Variants in CTTN observed in about 807,000 individuals in gnomAD.
CTTN encodes src substrate cortactin.
Under a neutral mutation model 84.0 loss-of-function variants are expected in CTTN, and 28 were observed. That is an observed-to-expected ratio of 0.33 (90% CI 0.25 to 0.46). The LOEUF is 0.46. Ranked by LOEUF, CTTN falls within the 20% of genes least tolerant of loss-of-function variation. The pLI is 1.00. For synonymous variants in CTTN, 301 were observed against 288.8 expected, an observed-to-expected ratio of 1.04 and a Z score of -0.43; for missense variants, 641 against 723.8, an observed-to-expected ratio of 0.89 and a Z score of 1.31.
At chr11:70,401,171 G>A (rs56731570) in intron 1 of CTTN, among the ~76,000 whole-genome samples, 9,167 of 151,904 alleles carry the variant, frequency 0.06, 999 homozygotes, top group African/African-American at 0.21. Context: ...CCCCATCTCT[G>A]TTAAAAATAG....
rs113509140 is a variant in CTTN at position 70,416,635 on chromosome 11, G to A, written c.458-378G>A. 539 of 165,618 alleles carry A rather than the reference G, an allele frequency of 3.3e-3. 8 individuals carry two copies. Among genetic ancestry groups the A allele is most frequent in the African/African-American group, 0.012 (517 of 42,048 alleles). 10.3% of individuals were successfully genotyped at this position (165,618 alleles called of 1,614,324 possible). A position where few individuals can be genotyped will look rare whatever the true frequency, so the allele number is the denominator to read the frequency against. ...TTTAGTAAAGATGGGGTTTTGCCAC[G>A]TTGGCCAGGCTGGTCTCAAACTCCT... On this transcript the variant is annotated intron_variant, in intron 7 of 17. Coordinates refer to ENST00000301843, the MANE Select transcript of CTTN (RefSeq NM_005231.4).
In CTTN at chr11:70,414,605, C is replaced by T. The variant is rs377163101; in HGVS notation, c.355C>T (p.Arg119Cys). Residue 119 changes from arginine to cysteine, a missense_variant, in exon 6 of 18, where the codon CGT (arginine) becomes TGT (cysteine). Physicochemically the swap from Arg to Cys is radical, Grantham distance 180. Around this residue, in one of 3 missense-constraint regions of CTTN, gnomAD observed 284 missense variants for 348.4 expected, o/e 0.82. Transcript: ENST00000301843. ...GCACTGCTCGCAGGTGGACTCGGTC[C>T]GTGGCTTCGGAGGCAAGTTTGGTGT... ...SKHCSQVDSVRGFGGKFGVQM... is the reference protein window; with the variant it reads ...SKHCSQVDSVCGFGGKFGVQM... 7.4e-6 allele frequency: 12 copies of T among 1,614,170 alleles called. No individual in the cohort carries two copies. The highest frequency in any genetic ancestry group is 4.5e-5 in the East Asian group (2 of 44,890).
Position 70,436,037 on chromosome 11 carries a change from A to G in CTTN, c.*875A>G, listed in dbSNP as rs1465972951. ...GGCAGCCTGGGGCGGTGTGTGTGCCATGTCACAGCATGGCCTCTCGGCCTT... is the reference window on the plus strand; with the variant it reads ...GGCAGCCTGGGGCGGTGTGTGTGCCGTGTCACAGCATGGCCTCTCGGCCTT... On this transcript the variant is annotated 3_prime_UTR_variant, in exon 18 of 18. Coordinates refer to ENST00000301843, the MANE Select transcript of CTTN (RefSeq NM_005231.4). 10 of 1,423,876 alleles carry G rather than the reference A, an allele frequency of 7.0e-6. No individual in the cohort carries two copies. In the East Asian group the frequency reaches 2.0e-4, roughly 29 times the overall value. 88.2% of individuals were successfully genotyped at this position (1,423,876 alleles called of 1,614,324 possible).
Position 70,429,038 on chromosome 11 carries a change from C to G in CTTN, c.1028-13C>G. On this transcript the variant is annotated splice_polypyrimidine_tract_variant and intron_variant, in intron 13 of 17. Transcript: ENST00000301843. ...TGTGCTCAAGGCACACGTCCTCCCT[C>G]CTTCCTCTATAGTGACCAGCAAAAC... The G allele has an allele frequency of 6.2e-7, 1 of 1,614,030 alleles. No individual in the cohort carries two copies. Among genetic ancestry groups the G allele is most frequent in the Non-Finnish European group, 8.5e-7 (1 of 1,179,902 alleles).
In CTTN at chr11:70,436,205, G is replaced by C. The variant is rs1029083506; in HGVS notation, c.*1043G>C. 4 of 1,563,392 alleles carry C rather than the reference G, an allele frequency of 2.6e-6. No homozygotes were observed. In the South Asian group the frequency reaches 4.7e-5, roughly 18 times the overall value. On this transcript the variant is annotated 3_prime_UTR_variant, in exon 18 of 18. Coordinates refer to ENST00000301843, the MANE Select transcript of CTTN (RefSeq NM_005231.4). ...GGCTAGAAGTGTGAAGTGCAGATGA[G>C]TGTGTGTTCTTCCCCAAGGTCCCCC...
At chr11:70,405,707 G>A (rs1000764084) in intron 2 of CTTN, among the ~76,000 whole-genome samples, 6 of 152,172 alleles carry the variant, frequency 3.9e-5, no homozygotes, top group Non-Finnish European at 8.8e-5. Flanking sequence ...GTGAAGCTGT[G>A]TCCGGGAAGA....
In CTTN at chr11:70,407,258, G is replaced by A. The variant is rs115713715; in HGVS notation, c.1-40G>A. 12 of 1,520,400 alleles carry A rather than the reference G, an allele frequency of 7.9e-6. No homozygotes were observed. The South Asian group carries it at 8.4e-5, about 11-fold the overall frequency. The allele number at this position is 1,520,400 out of a possible 1,614,324, so 94.2% of individuals were successfully genotyped here. On this transcript the variant is annotated intron_variant, in intron 2 of 17. Transcript: ENST00000301843. ...TCATCTGCTGGCCTCTGTGGATGGC[G>A]CCCTGAGGCCTCCGTAACCCTCCCC... is the stretch of plus-strand genomic sequence containing the variant.
In CTTN at chr11:70,417,092, G is replaced by T. The variant is rs149012607; in HGVS notation, c.537G>T (p.Gln179His). 2.5e-6 allele frequency: 4 copies of T among 1,614,072 alleles called. No homozygotes were observed. Among genetic ancestry groups the T allele is most frequent in the Non-Finnish European group, 3.4e-6 (4 of 1,180,036 alleles). The part of the protein sequence containing the change: ...VDKSAVGFDY[Q>H]GKTEKHESQR... ...AGAGCGCGGTGGGCTTCGACTACCA[G>T]GGCAAGACGGAGAAGCACGAGTCAC... The change falls in exon 8 of 18, where the codon CAG becomes CAT. Residue 179 changes from glutamine to histidine, a missense_variant. By Grantham distance (24) the Gln-to-His change is conservative. This residue lies in a region of CTTN where 284 missense variants were observed against 348.4 expected (regional missense o/e 0.82). Transcript: ENST00000301843.
chr11:70,429,269 G>T (rs2058330324), intron 14 of CTTN, 70 bp downstream of exon 14: 2 of 1,529,868 alleles, frequency 1.3e-6, no homozygotes, highest in East Asian at 2.4e-5. Flanking sequence ...GGAGCTCTGG[G>T]GCCTGGGCGG....
In CTTN at chr11:70,433,192, A is replaced by G. The variant is rs200363616; in HGVS notation, c.1358A>G (p.Tyr453Cys). The G allele has an allele frequency of 1.2e-6, 2 of 1,613,488 alleles. No homozygotes were observed. Among genetic ancestry groups the G allele is most frequent in the Non-Finnish European group, 1.7e-6 (2 of 1,179,976 alleles). The change falls in exon 16 of 18, where the codon TAC (tyrosine) becomes TGC (cysteine). Residue 453 changes from tyrosine (Y) to cysteine (C), a missense_variant. Transcript: ENST00000301843. The part of the protein sequence containing the change: ...EPVYSMEAAD[Y>C]REASSQQGLA... Reference sequence around the variant, plus strand: ...GTGTACAGCATGGAGGCCGCTGACTACCGAGAGGCCAGCAGCCAGCAGGGC... The same window carrying G: ...GTGTACAGCATGGAGGCCGCTGACTGCCGAGAGGCCAGCAGCCAGCAGGGC...
At chr11:70,404,941 G>A (rs2058025614) in intron 1 of CTTN, among the ~76,000 whole-genome samples, 1 of 152,238 alleles carries the variant, frequency 6.6e-6, no homozygotes, top group East Asian at 1.9e-4. Context: ...GGTGGAGTTT[G>A]CGGTAAGCCG....
intron 7 of CTTN, chr11:70,415,953 G>T: frequency 2.1e-6 from 1 of 483,434 alleles, no homozygotes; most frequent in Admixed American, 3.6e-5. Context: ...CATCCCCCTC[G>T]GAGCCCTGGC....
chr11:70,433,036 G>A (rs2058372380), intron 15 of CTTN, 65 bp from the exon 16 acceptor site: 1 of 1,526,236 alleles, frequency 6.6e-7, no homozygotes, highest in African/African-American at 1.4e-5. Context: ...GGCTGTGGCA[G>A]TACAGCTACT....
At chr11:70,426,687 A>G (rs1317122518) in intron 13 of CTTN, among the ~76,000 whole-genome samples, 1 of 151,110 alleles carries the variant, frequency 6.6e-6, no homozygotes. Flanking sequence ...TCCCGGGTTC[A>G]CGGCATTCTC....
intron 7 of CTTN, chr11:70,415,964 A>G (rs902589324): frequency 2.4e-5 from 11 of 456,866 alleles, no homozygotes; most frequent in African/African-American, 2.2e-4. Context: ...GAGCCCTGGC[A>G]TCTGCTGTCA....
At chr11:70,408,278 G>A (rs895597435) in intron 4 of CTTN, 1 of 152,342 alleles carries the variant, frequency 6.6e-6, no homozygotes, top group East Asian at 1.9e-4. Flanking sequence ...TCAGTATCCC[G>A]GGAAGACTGT....
chr11:70,422,757 T>G (rs2135582187), intron 11 of CTTN, 183 bp from the exon 12 acceptor site: 1 of 1,462,798 alleles, frequency 6.8e-7, no homozygotes, highest in Non-Finnish European at 9.1e-7. Context: ...TCACTGCCTG[T>G]GTCTCACGAC....
At chr11:70,433,492 T>C (rs2058378803) in intron 16 of CTTN, 155 bp from the exon 17 acceptor site, 6 of 770,252 alleles carry the variant, frequency 7.8e-6, no homozygotes, top group Non-Finnish European at 8.9e-6. Context: ...CCCATTGTGC[T>C]GGGGACGGGT....
intron 17 of CTTN, among the ~76,000 whole-genome samples, chr11:70,434,658 T>G (rs1012608875): frequency 6.6e-6 from 1 of 152,220 alleles, no homozygotes; most frequent in Non-Finnish European, 1.5e-5. Flanking sequence ...CCCCTGGCTG[T>G]CCTTCCACTG....
Sources: gnomAD v4.1 joint callset for allele counts (sites outside exome capture counted in the v4.1 genomes callset) on GRCh38, gnomAD v4.1.1 for gene constraint, gnomAD v4.1.1 regional missense constraint, MANE v1.5 for transcripts, NCBI Gene and HGNC (gene_info 2026-07-23, HGNC 2026-07-21) for gene names.